The following DSC3 variants were observed in gnomAD, a reference collection of about 807,000 sequenced individuals.
DSC3 encodes desmocollin-3.
Under a neutral mutation model 89.5 loss-of-function variants are expected in DSC3, and 97 were observed. The ratio of observed to expected loss-of-function variants is 1.08; its 90% CI spans 0.92 to 1.28. The LOEUF (loss-of-function observed/expected upper bound fraction) is 1.28. Among genes scored for constraint, DSC3 ranks in the 50% most tolerant of loss-of-function variants. The pLI is 0.00. For missense variants in DSC3, 1,199 were observed against 1,085.3 expected (o/e 1.10, Z -1.47); for synonymous variants, 436 against 384.1 (o/e 1.14, Z -1.58).
At chr18:30,996,566 C>T (rs994652611) in intron 15 of DSC3, among the ~76,000 whole-genome samples, 2 of 151,888 alleles carry the variant, frequency 1.3e-5, no homozygotes, top group Non-Finnish European at 2.9e-5. Flanking sequence ...ATATTAAAAA[C>T]ATCCTATATT....
Position 30,991,162 on chromosome 18 carries a change from G to A in DSC3, c.*3013C>T, listed in dbSNP as rs892109115. The A allele has an allele frequency of 6.6e-6, 1 of 152,510 alleles. No homozygotes were observed. The highest frequency in any genetic ancestry group is 6.6e-5 in the Admixed American group (1 of 15,258). 9.4% of individuals were successfully genotyped at this position (152,510 alleles called of 1,614,324 possible). ...TTTAAGCAGCCAAGTTTCTTTAAAA[G>A]CAAAGTAACTTCTTTTAATAGCAAT... On this transcript the variant is annotated 3_prime_UTR_variant, in exon 16 of 16. Coordinates refer to ENST00000360428, the MANE Select transcript of DSC3 (RefSeq NM_001941.5).
At chr18:31,019,410 A>T (rs187075500) in intron 7 of DSC3, among the ~76,000 whole-genome samples, 21 of 152,314 alleles carry the variant, frequency 1.4e-4, no homozygotes, top group Non-Finnish European at 2.5e-4. Context: ...GTTTTAAAAA[A>T]ATATATCCTT....
chr18:31,008,502 A>G lies in DSC3; in HGVS notation c.1287T>C (p.Arg429=), dbSNP rs776504129. 1.9e-6 allele frequency: 3 copies of G among 1,614,104 alleles called. No homozygotes were observed. Among genetic ancestry groups the G allele is most frequent in the Admixed American group, 1.7e-5 (1 of 60,022 alleles). The part of the protein sequence containing the change: ...VVKPLNYEEN[R]QVNLEIGVNN... Reference sequence around the variant, plus strand: ...TTACTCCAATTTCCAGGTTCACTTGACGGTTTTCTTCATAATTCAGTGGCT... The same window carrying G: ...TTACTCCAATTTCCAGGTTCACTTGGCGGTTTTCTTCATAATTCAGTGGCT... The change falls in exon 10 of 16, where the codon CGT becomes CGC. Residue 429 remains arginine (R), a synonymous_variant. Transcript: ENST00000360428.
chr18:30,994,421 A>G (rs1810755405), intron 15 of DSC3, 49 bp from the exon 16 acceptor site: 8 of 1,591,424 alleles, frequency 5.0e-6, no homozygotes, highest in Non-Finnish European at 6.0e-6. Flanking sequence ...TAAACAACTT[A>G]AATATATGAA....
chr18:30,995,439 T>A (rs1433901469), intron 15 of DSC3, among the ~76,000 whole-genome samples: 1 of 152,232 alleles, frequency 6.6e-6, no homozygotes, highest in Non-Finnish European at 1.5e-5. Context: ...ATCACCCATT[T>A]GCATTCCATT....
intron 1 of DSC3, among the ~76,000 whole-genome samples, chr18:31,036,659 G>T (rs1985978445): frequency 6.6e-6 from 1 of 151,752 alleles, no homozygotes; most frequent in Non-Finnish European, 1.5e-5. Flanking sequence ...TTTATTTTAG[G>T]ATGTTGATGA....
chr18:31,041,468 A>C (rs1567964521), intron 1 of DSC3, among the ~76,000 whole-genome samples: 1 of 152,188 alleles, frequency 6.6e-6, no homozygotes, highest in African/African-American at 2.4e-5. Flanking sequence ...AAGGGAGGAC[A>C]ACCCTTGGAC....
chr18:31,022,275 T>G (rs1268530873), intron 7 of DSC3, 61 bp downstream of exon 7: 1 of 1,595,138 alleles, frequency 6.3e-7, no homozygotes, highest in Non-Finnish European at 8.6e-7. Flanking sequence ...CAAGTTATAA[T>G]AAATGGGGGA....
At position 30,992,220 on chromosome 18, in the gene DSC3, AT is replaced by A. The variant is rs1337658722; in HGVS notation, c.*1954del. ...AAAAGTCTAAGTCTAAAACACATAG[AT>A]TTTAGGGTCAAATTAGAAAACAGAA... On this transcript the variant is annotated 3_prime_UTR_variant, in exon 16 of 16. Coordinates refer to ENST00000360428, the MANE Select transcript of DSC3 (RefSeq NM_001941.5). 3 of 150,094 alleles carry A rather than the reference AT, an allele frequency of 2.0e-5. No homozygotes were observed. The highest frequency in any genetic ancestry group is 4.0e-4 in the East Asian group (2 of 4,994). The allele number at this position is 150,094 out of a possible 1,614,324, so 9.3% of individuals were successfully genotyped here. A position where few individuals can be genotyped will look rare whatever the true frequency, so the allele number is the denominator to read the frequency against.
At chr18:30,995,924 A>C (rs1161266090) in intron 15 of DSC3, among the ~76,000 whole-genome samples, 3 of 136,130 alleles carry the variant, frequency 2.2e-5, no homozygotes, top group Non-Finnish European at 3.1e-5. Context: ...GTGAGTGGAG[A>C]TTGCACCACT....
intron 9 of DSC3, among the ~76,000 whole-genome samples, chr18:31,013,648 T>C (rs1228145544): frequency 6.6e-6 from 1 of 152,158 alleles, no homozygotes; most frequent in East Asian, 1.9e-4. Context: ...CTTGAAGATA[T>C]AAAATATATT....
intron 1 of DSC3, among the ~76,000 whole-genome samples, chr18:31,038,930 T>A (rs1287713298): frequency 6.6e-6 from 1 of 152,106 alleles, no homozygotes; most frequent in Non-Finnish European, 1.5e-5. Flanking sequence ...AGTTATAGTA[T>A]GTTTCTTGAA....
chr18:31,011,001 G>A (rs1199086585), intron 9 of DSC3, among the ~76,000 whole-genome samples: 1 of 152,208 alleles, frequency 6.6e-6, no homozygotes, highest in Non-Finnish European at 1.5e-5. Context: ...AGAGCTATTA[G>A]GGAGGCAGAA....
Position 31,008,405 on chromosome 18 carries a change from C to T in DSC3, c.1384G>A (p.Val462Met), listed in dbSNP as rs1984940084. Reference protein sequence around the residue: ...ALNRALVTVHVRDLDEGPECT... With the variant: ...ALNRALVTVHMRDLDEGPECT... Reference sequence around the variant, plus strand: ...TCAGGCCCCTCATCCAGATCCCTCACATGAACTGTAACCAAGGCTCTGTTC... The same window carrying T: ...TCAGGCCCCTCATCCAGATCCCTCATATGAACTGTAACCAAGGCTCTGTTC... Residue 462 changes from valine to methionine, a missense_variant, in exon 10 of 16, where the codon GTG becomes ATG. Val to Met is a conservative substitution (Grantham distance 21). Coordinates refer to ENST00000360428, the MANE Select transcript of DSC3 (RefSeq NM_001941.5). The T allele has an allele frequency of 6.2e-7, 1 of 1,614,172 alleles. No individual in the cohort carries two copies. The highest frequency in any genetic ancestry group is 1.1e-5 in the South Asian group (1 of 91,084).
chr18:31,019,155 G>T (rs1053862216), intron 7 of DSC3, among the ~76,000 whole-genome samples: 1 of 152,200 alleles, frequency 6.6e-6, no homozygotes, highest in African/African-American at 2.4e-5. Flanking sequence ...GGTGTGCAGT[G>T]GCACGATCTT....
chr18:31,012,594 C>G (rs1049278809), intron 9 of DSC3, among the ~76,000 whole-genome samples: 1 of 152,114 alleles, frequency 6.6e-6, no homozygotes, highest in African/African-American at 2.4e-5. Context: ...GTCTACTCAT[C>G]TGGAAATGAG....
chr18:31,011,763 C>T (rs912746834), intron 9 of DSC3, among the ~76,000 whole-genome samples: 4 of 151,744 alleles, frequency 2.6e-5, no homozygotes, highest in East Asian at 1.9e-4. Flanking sequence ...GAGGCCAAGG[C>T]GGGCGGATTG....
chr18:31,029,752 T>C, intron 3 of DSC3, 124 bp from the exon 4 acceptor site: 1 of 1,239,664 alleles, frequency 8.1e-7, no homozygotes, highest in Non-Finnish European at 1.2e-6. Flanking sequence ...ATTTCCATGC[T>C]GGAGCTAAAC....
intron 1 of DSC3, among the ~76,000 whole-genome samples, chr18:31,036,087 T>A (rs1307338683): frequency 6.6e-6 from 1 of 152,194 alleles, no homozygotes; most frequent in African/African-American, 2.4e-5. Context: ...TGAACAGCTG[T>A]GCCTAAAGCG....
Sources: allele counts gnomAD v4.1 joint callset (sites outside exome capture counted in the v4.1 genomes callset), GRCh38; gene constraint gnomAD v4.1.1; transcripts MANE v1.5; gene names NCBI Gene and HGNC (gene_info 2026-07-23, HGNC 2026-07-21).